PRKCE: variants seen among roughly 807,000 people sequenced by gnomAD.
The protein encoded by PRKCE is protein kinase C epsilon, also known as protein kinase C epsilon type.
PRKCE carries 16 observed loss-of-function variants against 85.4 expected under a neutral mutation model. That is an observed-to-expected ratio of 0.19 (90% CI 0.13 to 0.28). PRKCE has a LOEUF of 0.28. Among genes scored for constraint, PRKCE ranks in the 10% least tolerant of loss-of-function variants. The pLI is 1.00. For missense variants in PRKCE, 573 were observed against 975.2 expected, an observed-to-expected ratio of 0.59 and a Z score of 5.49; for synonymous variants, 388 against 371.5, an observed-to-expected ratio of 1.04 and a Z score of -0.51.
At chr2:46,008,310 C>T (rs552015418) in intron 9 of PRKCE, among the ~76,000 whole-genome samples, 1 of 152,174 alleles carries the variant, frequency 6.6e-6, no homozygotes, top group Admixed American at 6.5e-5. Context: ...CTTTAGTATG[C>T]TCAATAAAGC....
At chr2:46,169,615 A>G (rs568166480) in intron 14 of PRKCE, among the ~76,000 whole-genome samples, 24 of 152,334 alleles carry the variant, frequency 1.6e-4, no homozygotes, top group African/African-American at 5.8e-4. Context: ...TAAGCCCTCC[A>G]GAGTAGGGCT....
intron 1 of PRKCE, among the ~76,000 whole-genome samples, chr2:45,724,733 A>G (rs758015479): frequency 5.3e-5 from 8 of 152,268 alleles, no homozygotes; most frequent in Non-Finnish European, 8.8e-5. Context: ...ACCAGCCACA[A>G]CATTCCCTTA....
rs747077757 is a variant in PRKCE at position 46,148,154 on chromosome 2, C to T, written c.1732-2887C>T. Among the ~76,000 whole-genome samples, 4 of 152,214 alleles carry T rather than the reference C, an allele frequency of 2.6e-5. No individual in the cohort carries two copies. The South Asian group carries it at 6.2e-4, about 24-fold the overall frequency. On this transcript the variant is annotated intron_variant, in intron 12 of 14. Transcript: ENST00000306156. ...ACCCCCTCTGCTTTCCCACTCCCAGCCCCTGCTTCCCAGGAAGTGGCCACC... is the reference window on the plus strand; with the variant it reads ...ACCCCCTCTGCTTTCCCACTCCCAGTCCCTGCTTCCCAGGAAGTGGCCACC...
intron 14 of PRKCE, among the ~76,000 whole-genome samples, chr2:46,181,256 TGCTTTGGAAAACTCCCAA>T (rs1480586184): frequency 6.6e-6 from 1 of 152,232 alleles, no homozygotes; most frequent in Admixed American, 6.5e-5. Flanking sequence ...CAGAGATGTT[TGCTTTGGAAAACTCCCAA>T]GCCTCTACTG....
chr2:45,712,803 A>G (rs893617992), intron 1 of PRKCE, among the ~76,000 whole-genome samples: 4 of 151,792 alleles, frequency 2.6e-5, no homozygotes, highest in Non-Finnish European at 5.9e-5. Flanking sequence ...CATGGTTCTC[A>G]TTTGTTTAGG....
chr2:45,688,252 TGGGCAGG>T (rs1420796451), intron 1 of PRKCE, among the ~76,000 whole-genome samples: 26 of 152,252 alleles, frequency 1.7e-4, no homozygotes, highest in Non-Finnish European at 2.6e-4. Flanking sequence ...AATTAATGGC[TGGGCAGG>T]TAAATTTTTT....
At position 45,903,907 on chromosome 2, in the gene PRKCE, G is replaced by T. The variant is rs62127257; in HGVS notation, c.412+60844G>T. Among the ~76,000 whole-genome samples the T allele has an allele frequency of 3.7e-3, 303 of 81,726 alleles. 2 individuals are homozygous for T. The highest frequency in any genetic ancestry group is 6.1e-3 in the African/African-American group (161 of 26,280). The allele number at this position is 81,726 out of a possible 152,430, so 53.6% of individuals were successfully genotyped here. ...TTTTTTTTTGTTTGTTTGTTTGTTT[G>T]TTTGTTTGTTTTTTTTGGCAGGGTC... On this transcript the variant is annotated intron_variant, in intron 2 of 14. Coordinates refer to ENST00000306156, the MANE Select transcript of PRKCE (RefSeq NM_005400.3).
At chr2:46,012,634 A>G (rs889386959) in intron 10 of PRKCE, among the ~76,000 whole-genome samples, 1 of 152,168 alleles carries the variant, frequency 6.6e-6, no homozygotes, top group Non-Finnish European at 1.5e-5. Context: ...AAGAAGCCCA[A>G]CATCCTAGGA....
chr2:45,903,529 TC>T (rs1696724550), intron 2 of PRKCE, among the ~76,000 whole-genome samples: 1 of 152,220 alleles, frequency 6.6e-6, no homozygotes, highest in Non-Finnish European at 1.5e-5. Flanking sequence ...AATTTGAACT[TC>T]AGATCAACTC....
chr2:45,827,027 C>T (rs1689995703), intron 1 of PRKCE, among the ~76,000 whole-genome samples: 2 of 152,228 alleles, frequency 1.3e-5, no homozygotes, highest in Admixed American at 1.3e-4. Flanking sequence ...CAGCATCTCA[C>T]TGCTCTGCAG....
chr2:45,843,396 G>C (rs61763786), intron 2 of PRKCE, among the ~76,000 whole-genome samples: 2,226 of 152,318 alleles, frequency 0.015, 22 homozygotes, highest in Non-Finnish European at 0.022. Flanking sequence ...TGGTGGGAAG[G>C]AAGTAAAACC....
At chr2:45,970,289 G>C (rs935323912) in intron 2 of PRKCE, among the ~76,000 whole-genome samples, 4 of 152,072 alleles carry the variant, frequency 2.6e-5, no homozygotes, top group Admixed American at 6.5e-5. Context: ...AAACTGTTTT[G>C]CTTTGCATTT....
chr2:45,817,607 T>C (rs971876718), intron 1 of PRKCE, among the ~76,000 whole-genome samples: 4 of 151,964 alleles, frequency 2.6e-5, no homozygotes, highest in African/African-American at 9.7e-5. Flanking sequence ...GGCAGGAGAA[T>C]GGCGTGAACC....
rs1661988594 is a variant in PRKCE at position 45,802,233 on chromosome 2, GGT to G, written c.349-40765_349-40764del. On this transcript the variant is annotated intron_variant, in intron 1 of 14. Transcript: ENST00000306156. ...TGAGCTATGATCACACTCCAGCCTG[GGT>G]GACAGAGTGAGACCCTATCATTCCT... Among the ~76,000 whole-genome samples, 15 of 152,156 alleles carry G rather than the reference GGT, an allele frequency of 9.9e-5. No individual in the cohort carries two copies. In the South Asian group the frequency reaches 2.9e-3, roughly 30 times the overall value.
chr2:46,020,891 GT>G (rs1306354345), intron 10 of PRKCE, among the ~76,000 whole-genome samples: 2 of 152,222 alleles, frequency 1.3e-5, no homozygotes, highest in Admixed American at 1.3e-4. Context: ...TATCCAAGTT[GT>G]TTAAAAGCTG....
chr2:45,921,948 A>T (rs1412678288), intron 2 of PRKCE, among the ~76,000 whole-genome samples: 1 of 152,152 alleles, frequency 6.6e-6, no homozygotes, highest in Non-Finnish European at 1.5e-5. Context: ...TATTATCAAT[A>T]TATATCACAT....
At chr2:45,778,742 C>T (rs1258462441) in intron 1 of PRKCE, among the ~76,000 whole-genome samples, 1 of 152,166 alleles carries the variant, frequency 6.6e-6, no homozygotes, top group Non-Finnish European at 1.5e-5. Context: ...CGGCTGATGG[C>T]CCTCCCCTCT....
chr2:46,096,458 G>T (rs751956690), intron 11 of PRKCE, among the ~76,000 whole-genome samples: 2 of 152,170 alleles, frequency 1.3e-5, no homozygotes, highest in Non-Finnish European at 2.9e-5. Context: ...ATGGCATTTG[G>T]AGATAGGGCC....
chr2:46,115,232 T>C (rs553968930), intron 11 of PRKCE, among the ~76,000 whole-genome samples: 2 of 152,362 alleles, frequency 1.3e-5, no homozygotes, highest in South Asian at 4.1e-4. Flanking sequence ...CCTGTCACCT[T>C]GGCCTCTTGC....
Sources: gnomAD v4.1 joint callset for allele counts (sites outside exome capture counted in the v4.1 genomes callset) on GRCh38, gnomAD v4.1.1 for gene constraint, MANE v1.5 for transcripts, NCBI Gene and HGNC (gene_info 2026-07-23, HGNC 2026-07-21) for gene names.